Variants in CHD3 observed in about 807,000 individuals in gnomAD.
The protein encoded by CHD3 is chromodomain helicase DNA binding protein 3.
In CHD3, 52 loss-of-function variants were observed where a neutral mutation model predicts 248.9. The observed-to-expected ratio is 0.21, with a 90% CI of 0.17 to 0.26. The LOEUF (loss-of-function observed/expected upper bound fraction) is 0.26. Ranked by LOEUF, CHD3 falls within the 10% of genes least tolerant of loss-of-function variation. The probability of loss-of-function intolerance (pLI) is 1.00; values close to 1 mark genes in which losing one functional copy is unlikely to be tolerated. For synonymous variants in CHD3, 985 were observed against 985.2 expected (o/e 1.00, Z 0.00); for missense variants, 1,482 against 2,605.8 (o/e 0.57, Z 9.39).
chr17:7,889,014 A>G lies in CHD3; in HGVS notation c.14A>G (p.Asp5Gly). 1 of 1,614,246 alleles carries G rather than the reference A, an allele frequency of 6.2e-7. No homozygotes were observed. Among genetic ancestry groups the G allele is most frequent in the Non-Finnish European group, 8.5e-7 (1 of 1,180,044 alleles). The part of the protein sequence containing the change: MKAA[D>G]TVILWARSKN... The stretch of plus-strand genomic sequence containing the variant: ...TTCTCCTGTGTGATGAAGGCGGCAG[A>G]CACTGTGATCCTGTGGGCAAGAAGT... Residue 5 changes from aspartate to glycine, a missense_variant, in exon 1 of 40, where the codon GAC becomes GGC. This residue lies in a region of CHD3 where 169 missense variants were observed against 168.1 expected (regional missense o/e 1.01). Coordinates refer to ENST00000330494, the MANE Select transcript of CHD3 (RefSeq NM_001005273.3). The surrounding 1 kb of genome is among the most constrained non-coding windows in gnomAD (Gnocchi z 4.5).
At chr17:7,885,628 T>G (rs1418346373), upstream of CHD3, among the ~76,000 whole-genome samples, 1 of 148,962 alleles carries the variant, frequency 6.7e-6, no homozygotes, top group Non-Finnish European at 1.5e-5. Context: ...CGAGGGAGAG[T>G]GGGGTTTCCC....
At position 7,910,500 on chromosome 17, in the gene CHD3, G is replaced by A. The variant is rs1230899870; in HGVS notation, c.5663G>A (p.Arg1888Gln). 6.2e-6 allele frequency: 10 copies of A among 1,613,900 alleles called. No individual in the cohort carries two copies. The highest frequency in any genetic ancestry group is 2.2e-5 in the East Asian group (1 of 44,852). ...DVTRLPATLSRIPPIAARLQM... is the reference protein window; with the variant it reads ...DVTRLPATLSQIPPIAARLQM... Reference sequence around the variant, plus strand: ...ACCCGCCTGCCAGCCACGCTGTCCCGAATACCCCCCATCGCAGCCCGCCTT... The same window carrying A: ...ACCCGCCTGCCAGCCACGCTGTCCCAAATACCCCCCATCGCAGCCCGCCTT... Residue 1888 changes from arginine to glutamine, a missense_variant, in exon 38 of 40, where the codon CGA (arginine) becomes CAA (glutamine). By Grantham distance (43) the Arg-to-Gln change is conservative. Around this residue, in one of 20 missense-constraint regions of CHD3, gnomAD observed 83 missense variants for 181.0 expected, o/e 0.46. Coordinates refer to ENST00000330494, the MANE Select transcript of CHD3 (RefSeq NM_001005273.3). The surrounding 1 kb of genome is among the most constrained non-coding windows in gnomAD (Gnocchi z 4.7).
upstream of CHD3, among the ~76,000 whole-genome samples, chr17:7,888,308 G>A (rs1968309098): frequency 6.6e-6 from 1 of 152,238 alleles, no homozygotes; most frequent in African/African-American, 2.4e-5. Context: ...TGAGGCAGTG[G>A]AAACGGAGGC....
At position 7,899,157 on chromosome 17, in the gene CHD3, C is replaced by G; in HGVS notation, c.2298C>G (p.Gly766=). The stretch of plus-strand genomic sequence containing the variant: ...TTCTAGCTGATGAGATGGGGCTAGG[C>G]AAGACCATACAAACCATCGTCTTCC... The part of the protein sequence containing the change: ...DTILADEMGL[G]KTIQTIVFLY... Residue 766 remains glycine, a synonymous_variant, in exon 14 of 40, where the codon GGC becomes GGG. Coordinates refer to ENST00000330494, the MANE Select transcript of CHD3 (RefSeq NM_001005273.3). This position sits in a 1 kb window ranked among gnomAD's most constrained non-coding sequence, Gnocchi z 6.8. The G allele has an allele frequency of 6.2e-7, 1 of 1,614,058 alleles. No homozygotes were observed. The highest frequency in any genetic ancestry group is 1.1e-5 in the South Asian group (1 of 91,084).
Position 7,907,647 on chromosome 17 carries a change from T to C in CHD3, c.4971T>C (p.Asp1657=). ...AAAGGGGGGAGGAGAAGCCGTTGGA[T>C]GGACAGGAACACAGGGAGAGGCCGG... ...PGERGEEKPL[D]GQEHRERPEG... is the part of the protein sequence containing the mutation. The change falls in exon 33 of 40, where the codon GAT becomes GAC. Residue 1657 remains aspartate, a synonymous_variant. Coordinates refer to ENST00000330494, the MANE Select transcript of CHD3 (RefSeq NM_001005273.3). The surrounding 1 kb of genome is among the most constrained non-coding windows in gnomAD (Gnocchi z 4.3). 6.5e-7 allele frequency: 1 copy of C among 1,531,286 alleles called. No homozygotes were observed. Among genetic ancestry groups the C allele is most frequent in the Non-Finnish European group, 8.7e-7 (1 of 1,145,156 alleles). The allele number at this position is 1,531,286 out of a possible 1,614,324, so 94.9% of individuals were successfully genotyped here.
Position 7,908,280 on chromosome 17 carries a change from A to G in CHD3, c.5153-122A>G. 1.1e-6 allele frequency: 1 copy of G among 882,364 alleles called. No individual in the cohort carries two copies. The highest frequency in any genetic ancestry group is 1.8e-6 in the Non-Finnish European group (1 of 568,774). 54.7% of individuals were successfully genotyped at this position (882,364 alleles called of 1,614,324 possible). On this transcript the variant is annotated intron_variant, in intron 34 of 39. Transcript: ENST00000330494. The surrounding 1 kb of genome is among the most constrained non-coding windows in gnomAD (Gnocchi z 5.8). ...TTTGTTCCAAACCTAACCTTTACCC[A>G]TTCCTCTTCAGGAGCCCTTAGTTCC...
Position 7,906,748 on chromosome 17 carries a change from T to A in CHD3, c.4503+51T>A. On this transcript the variant is annotated intron_variant, in intron 29 of 39. Coordinates refer to ENST00000330494, the MANE Select transcript of CHD3 (RefSeq NM_001005273.3). This position sits in a 1 kb window ranked among gnomAD's most constrained non-coding sequence, Gnocchi z 5.0. ...AATCAAGCTGGCTGCCTAGTCTCTG[T>A]CCTTCCTCTGCCTCTGTCCCTGAGT... 1 of 1,584,536 alleles carries A rather than the reference T, an allele frequency of 6.3e-7. No individual in the cohort carries two copies. Among genetic ancestry groups the A allele is most frequent in the Non-Finnish European group, 8.6e-7 (1 of 1,164,128 alleles).
upstream of CHD3, among the ~76,000 whole-genome samples, chr17:7,885,972 C>G (rs1250726166): frequency 2.0e-5 from 3 of 152,210 alleles, no homozygotes; most frequent in Non-Finnish European, 4.4e-5. Flanking sequence ...GCTCCACCCC[C>G]TTCATCTCGC....
chr17:7,906,158 CA>C lies in CHD3; in HGVS notation c.4358+170del, dbSNP rs1467746507. The stretch of plus-strand genomic sequence containing the variant: ...CCTGGGGGGTGGTCTCAGCCCACTC[CA>C]CCTCCCCTCAGCCGAGCCTAGAGTA... On this transcript the variant is annotated intron_variant, in intron 28 of 39. Coordinates refer to ENST00000330494, the MANE Select transcript of CHD3 (RefSeq NM_001005273.3). The surrounding 1 kb of genome is among the most constrained non-coding windows in gnomAD (Gnocchi z 5.0). The C allele has an allele frequency of 9.5e-7, 1 of 1,048,138 alleles. No homozygotes were observed. Among genetic ancestry groups the C allele is most frequent in the Non-Finnish European group, 1.5e-6 (1 of 677,790 alleles). The allele number at this position is 1,048,138 out of a possible 1,614,324, so 64.9% of individuals were successfully genotyped here.
rs1031343404 is a variant in CHD3, at chr17:7,893,541, C to A, written c.765C>A (p.Ile255=). The A allele has an allele frequency of 1.3e-6, 2 of 1,569,336 alleles. No homozygotes were observed. The highest frequency in any genetic ancestry group is 1.7e-6 in the Non-Finnish European group (2 of 1,148,296). The change falls in exon 5 of 40, where the codon ATC becomes ATA. Residue 255 remains isoleucine, a synonymous_variant. Transcript: ENST00000330494. The part of the protein sequence containing the change: ...PPAADIQPPP[I]RRAKTKEGKG... ...CTGCTGATATCCAGCCCCCACCCAT[C>A]CGAAGAGCCAAAACCAAAGAGGGCA...
chr17:7,911,483 A>C lies in CHD3; in HGVS notation c.5901A>C (p.Pro1967=), dbSNP rs749042862. ...SFITAATNGP[P]VLVKKEKEMV... The stretch of plus-strand genomic sequence containing the variant: ...AAACAGCCGCCACCAACGGCCCTCC[A>C]GTGCTTGTGAAGAAGGAGAAGGAAA... Residue 1967 remains proline (P), a synonymous_variant, in exon 40 of 40, where the codon CCA becomes CCC. Transcript: ENST00000330494. The surrounding 1 kb of genome is among the most constrained non-coding windows in gnomAD (Gnocchi z 5.4). 1.2e-6 allele frequency: 2 copies of C among 1,614,158 alleles called. No individual in the cohort carries two copies.
Position 7,900,451 on chromosome 17 carries a change from T to G in CHD3, c.2804+40T>G. 1 of 1,613,440 alleles carries G rather than the reference T, an allele frequency of 6.2e-7. No homozygotes were observed. Among genetic ancestry groups the G allele is most frequent in the African/African-American group, 1.3e-5 (1 of 74,884 alleles). ...AAGGGTAGTTGGCAGAGATGAGAGG[T>G]GGAGCAGATAAAATGAGCTGGTAGA... On this transcript the variant is annotated intron_variant, in intron 17 of 39. Transcript: ENST00000330494. The surrounding 1 kb of genome is among the most constrained non-coding windows in gnomAD (Gnocchi z 6.5).
Position 7,908,154 on chromosome 17 carries a change from C to T in CHD3, c.5152+135C>T, listed in dbSNP as rs1269473313. ...AATGAAGTATGTTGCATGCTGACTC[C>T]GATCCTTGCTCTAAATCTTTCTTAA... is the stretch of plus-strand genomic sequence containing the variant. On this transcript the variant is annotated intron_variant, in intron 34 of 39. Coordinates refer to ENST00000330494, the MANE Select transcript of CHD3 (RefSeq NM_001005273.3). The surrounding 1 kb of genome is among the most constrained non-coding windows in gnomAD (Gnocchi z 5.8). 35 of 1,124,832 alleles carry T rather than the reference C, an allele frequency of 3.1e-5. No homozygotes were observed. The South Asian group carries it at 4.0e-4, about 13-fold the overall frequency. The allele number at this position is 1,124,832 out of a possible 1,614,324, so 69.7% of individuals were successfully genotyped here. A position where few individuals can be genotyped will look rare whatever the true frequency, so the allele number is the denominator to read the frequency against.
At position 7,911,051 on chromosome 17, in the gene CHD3, A is replaced by G; in HGVS notation, c.5881+78A>G. The G allele has an allele frequency of 1.3e-6, 2 of 1,575,706 alleles. No homozygotes were observed. Among genetic ancestry groups the G allele is most frequent in the Non-Finnish European group, 8.7e-7 (1 of 1,151,812 alleles). On this transcript the variant is annotated intron_variant, in intron 39 of 39. Transcript: ENST00000330494. The surrounding 1 kb of genome is among the most constrained non-coding windows in gnomAD (Gnocchi z 5.4). ...TTTATTTCTGCTCAGCTGCCCTTTA[A>G]CTGCTCTAGTCCATCTCATTTCCTT...
At chr17:7,902,543 G>T in intron 20 of CHD3, 67 bp from the exon 21 acceptor site, 1 of 995,378 alleles carries the variant, frequency 1.0e-6, no homozygotes, top group Non-Finnish European at 1.6e-6. Flanking sequence ...GTGTAAAGGA[G>T]TAGTTAGAAT....
At chr17:7,902,878 G>C in intron 21 of CHD3, 59 bp from the exon 22 acceptor site, 1 of 1,601,346 alleles carries the variant, frequency 6.2e-7, no homozygotes, top group East Asian at 2.2e-5. Context: ...GAACATCTAG[G>C]AGCAGGTGGA....
rs367578967 is a variant in CHD3 at position 7,905,724 on chromosome 17, T to G, written c.4224+18T>G. 4.3e-6 allele frequency: 7 copies of G among 1,612,360 alleles called. No individual in the cohort carries two copies. In the African/African-American group the frequency reaches 9.4e-5, roughly 22 times the overall value. Reference sequence around the variant, plus strand: ...ACATTGAGGTGAGAGCTGGGCCCAGTGTTCCTGAGTTCTCCAAGAGGGCAT... The same window carrying G: ...ACATTGAGGTGAGAGCTGGGCCCAGGGTTCCTGAGTTCTCCAAGAGGGCAT... On this transcript the variant is annotated intron_variant, in intron 27 of 39. Transcript: ENST00000330494. This position sits in a 1 kb window ranked among gnomAD's most constrained non-coding sequence, Gnocchi z 5.8.
Position 7,910,088 on chromosome 17 carries a change from T to A in CHD3, c.5591-340T>A, listed in dbSNP as rs374672105. 610 of 378,452 alleles carry A rather than the reference T, an allele frequency of 1.6e-3. 15 individuals carry two copies. Among genetic ancestry groups the A allele is most frequent in the South Asian group, 0.015 (596 of 40,940 alleles). The allele number at this position is 378,452 out of a possible 1,614,324, so 23.4% of individuals were successfully genotyped here. On this transcript the variant is annotated intron_variant, in intron 37 of 39. Transcript: ENST00000330494. This position sits in a 1 kb window ranked among gnomAD's most constrained non-coding sequence, Gnocchi z 4.7. The stretch of plus-strand genomic sequence containing the variant: ...AACCCCAAACCTTGCTCTTCCAGTA[T>A]GAGATGTTCTGACAACTCCCCGCCC...
At chr17:7,901,449 AC>A (rs1209635219) in intron 20 of CHD3, 74 bp downstream of exon 20, 1 of 1,348,560 alleles carries the variant, frequency 7.4e-7, no homozygotes, top group South Asian at 1.7e-5. Flanking sequence ...TTAATTTCTT[AC>A]GGTCTTCCTG....
Sources: allele counts gnomAD v4.1 joint callset (sites outside exome capture counted in the v4.1 genomes callset), GRCh38; gene constraint gnomAD v4.1.1; regional missense constraint gnomAD v4.1.1; non-coding constraint Gnocchi (gnomAD v3.1); transcripts MANE v1.5; gene names NCBI Gene and HGNC (gene_info 2026-07-23, HGNC 2026-07-21).